SPTLC1: variants seen among roughly 807,000 people sequenced by gnomAD.
SPTLC1 encodes serine palmitoyltransferase 1.
SPTLC1 carries 55 observed loss-of-function variants against 68.9 expected under a neutral mutation model. The observed-to-expected ratio is 0.80, with a 90% confidence interval of 0.64 to 1.00. The LOEUF (loss-of-function observed/expected upper bound fraction) is 1.00. SPTLC1 is among the 50% of genes least tolerant of loss of function. The pLI, the probability that SPTLC1 is intolerant of heterozygous loss-of-function variation, is 0.00. For missense variants in SPTLC1, 449 were observed against 573.1 expected (o/e 0.78, Z 2.21); for synonymous variants, 197 against 201.6 (o/e 0.98, Z 0.19).
intron 3 of SPTLC1, among the ~76,000 whole-genome samples, chr9:92,088,142 C>T (rs58402855): frequency 3.3e-4 from 51 of 152,306 alleles, no homozygotes; most frequent in African/African-American, 1.2e-3. Flanking sequence ...TTTCAGGTGC[C>T]GTCTGTCACC....
chr9:92,091,147 G>T (rs1835348072), intron 3 of SPTLC1, among the ~76,000 whole-genome samples: 1 of 152,160 alleles, frequency 6.6e-6, no homozygotes, highest in Non-Finnish European at 1.5e-5. Flanking sequence ...TTTTATAAAG[G>T]GAGGTAAAAT....
intron 6 of SPTLC1, among the ~76,000 whole-genome samples, chr9:92,059,971 A>G (rs1170599406): frequency 1.3e-5 from 2 of 152,150 alleles, no homozygotes; most frequent in Admixed American, 1.3e-4. Flanking sequence ...GTCAGCAAAG[A>G]ACACATGGAG....
chr9:92,038,432 T>A (rs1833224110), intron 12 of SPTLC1, 67 bp from the exon 13 acceptor site: 1 of 1,043,066 alleles, frequency 9.6e-7, no homozygotes, highest in Non-Finnish European at 1.5e-6. Flanking sequence ...CACGGAGAAA[T>A]AATGTTAGAA....
intron 6 of SPTLC1, among the ~76,000 whole-genome samples, chr9:92,064,043 AAAAT>A (rs142296580): frequency 0.013 from 2,049 of 152,344 alleles, 54 homozygotes; most frequent in African/African-American, 0.046. Flanking sequence ...AGTAGATTAG[AAAAT>A]AAATAAAACT....
chr9:92,088,369 G>A (rs1835237258), intron 3 of SPTLC1, among the ~76,000 whole-genome samples: 1 of 152,244 alleles, frequency 6.6e-6, no homozygotes, highest in Non-Finnish European at 1.5e-5. Flanking sequence ...GACCGGAGCT[G>A]TTCCTATTCG....
At chr9:92,050,888 C>A (rs1480345506) in intron 8 of SPTLC1, 1 of 529,880 alleles carries the variant, frequency 1.9e-6, no homozygotes, top group African/African-American at 2.5e-5. Flanking sequence ...TCATGGCTCA[C>A]TGCAGCCTTG....
chr9:92,067,090 G>C (rs1300176542), intron 6 of SPTLC1, among the ~76,000 whole-genome samples: 24 of 152,146 alleles, frequency 1.6e-4, no homozygotes, highest in Non-Finnish European at 4.4e-5. Flanking sequence ...CTGAGGTCAG[G>C]AGTTTGAGAC....
chr9:92,108,490 T>A, intron 3 of SPTLC1: 1 of 443,072 alleles, frequency 2.3e-6, no homozygotes, highest in South Asian at 2.3e-5. Context: ...GTTCGACCAT[T>A]GGAAATATTA....
rs2118510842 is a variant in SPTLC1 at position 92,055,599 on chromosome 9, AAT to A, written c.691-107_691-106del. ...ACCTTACAAGATTTATTCCTAAAAA[AAT>A]ATTCTGAATGAATTGAAAGCTCAGT... On this transcript the variant is annotated intron_variant, in intron 7 of 14. Transcript: ENST00000262554. 5 of 1,114,292 alleles carry A rather than the reference AAT, an allele frequency of 4.5e-6. No homozygotes were observed. The East Asian group carries it at 1.0e-4, about 22-fold the overall frequency. The allele number at this position is 1,114,292 out of a possible 1,614,324, so 69.0% of individuals were successfully genotyped here. A position where few individuals can be genotyped will look rare whatever the true frequency, so the allele number is the denominator to read the frequency against.
chr9:92,086,455 C>T (rs1354365153), intron 3 of SPTLC1, among the ~76,000 whole-genome samples: 1 of 152,272 alleles, frequency 6.6e-6, no homozygotes, highest in East Asian at 1.9e-4. Context: ...CAAAATCTCT[C>T]AGCATTTGCT....
rs552707283 is a variant in SPTLC1, at chr9:92,114,591, C to T, written c.57+723G>A. Among the ~76,000 whole-genome samples the T allele has an allele frequency of 1.4e-4, 21 of 151,918 alleles. 1 individual carries two copies. In the East Asian group the frequency reaches 3.7e-3, roughly 27 times the overall value. ...TCTCTAATAAAAATACAAAATTGGC[C>T]GGGCATGGTGGCACATGCCTGTAAT... On this transcript the variant is annotated intron_variant, in intron 1 of 14. Coordinates refer to ENST00000262554, the MANE Select transcript of SPTLC1 (RefSeq NM_006415.4).
At chr9:92,057,436 T>A (rs1833934206) in intron 7 of SPTLC1, among the ~76,000 whole-genome samples, 1 of 152,198 alleles carries the variant, frequency 6.6e-6, no homozygotes, top group Non-Finnish European at 1.5e-5. Context: ...CAGTGCCAAT[T>A]TAAACTCCTT....
intron 3 of SPTLC1, among the ~76,000 whole-genome samples, chr9:92,107,548 C>T (rs781663749): frequency 2.6e-5 from 4 of 152,180 alleles, no homozygotes; most frequent in African/African-American, 4.8e-5. Flanking sequence ...GTCAGGAAAT[C>T]GAGACCATCC....
chr9:92,108,514 C>G lies in SPTLC1; in HGVS notation c.260+226G>C, dbSNP rs567177319. On this transcript the variant is annotated intron_variant, in intron 3 of 14. Coordinates refer to ENST00000262554, the MANE Select transcript of SPTLC1 (RefSeq NM_006415.4). ...TTGGAAATATTAACATGTGTGCATT[C>G]TTGGAAAAAAGGGCAAACATTAATG... 5.1e-4 allele frequency: 265 copies of G among 519,892 alleles called. 1 individual carries two copies. The highest frequency in any genetic ancestry group is 1.0e-3 in the Admixed American group (30 of 30,034). The allele number at this position is 519,892 out of a possible 1,614,324, so 32.2% of individuals were successfully genotyped here.
chr9:92,035,211 G>C (rs1200540182), intron 13 of SPTLC1, among the ~76,000 whole-genome samples: 1 of 152,188 alleles, frequency 6.6e-6, no homozygotes, highest in Non-Finnish European at 1.5e-5. Context: ...AACAGCCATA[G>C]CTAGCTAGTG....
At chr9:92,087,315 C>G (rs1176230667) in intron 3 of SPTLC1, among the ~76,000 whole-genome samples, 1 of 152,184 alleles carries the variant, frequency 6.6e-6, no homozygotes, top group African/African-American at 2.4e-5. Context: ...GGAGGAGAGG[C>G]TCTCTGCTTT....
At chr9:92,104,769 C>A in intron 3 of SPTLC1, 2 of 1,533,634 alleles carry the variant, frequency 1.3e-6, no homozygotes, top group Non-Finnish European at 1.7e-6. Flanking sequence ...ACCTCTAGGC[C>A]CCTGGAGACT....
chr9:92,034,095 A>C (rs1465597639), intron 14 of SPTLC1, among the ~76,000 whole-genome samples: 2 of 152,178 alleles, frequency 1.3e-5, no homozygotes, highest in Non-Finnish European at 2.9e-5. Context: ...ACCTCATCTG[A>C]TGGAAAGCCA....
chr9:92,043,543 T>C (rs1475870520), intron 12 of SPTLC1, among the ~76,000 whole-genome samples: 4 of 152,294 alleles, frequency 2.6e-5, no homozygotes, highest in South Asian at 4.1e-4. Flanking sequence ...TTAGCAACTC[T>C]ACCTATTTAC....
Sources: gnomAD v4.1 joint callset for allele counts (sites outside exome capture counted in the v4.1 genomes callset) on GRCh38, gnomAD v4.1.1 for gene constraint, MANE v1.5 for transcripts, NCBI Gene and HGNC (gene_info 2026-07-23, HGNC 2026-07-21) for gene names.